The following ANO3 variants were observed in gnomAD, a reference collection of about 807,000 sequenced individuals.
ANO3 encodes anoctamin-3.
Under a neutral mutation model 144.8 loss-of-function variants are expected in ANO3, and 99 were observed. The ratio of observed to expected loss-of-function variants is 0.68; its 90% CI spans 0.58 to 0.81. The LOEUF (loss-of-function observed/expected upper bound fraction) is 0.81. Ranked by LOEUF, ANO3 falls within the 30% of genes least tolerant of loss-of-function variation. ANO3 has a pLI of 0.00. For synonymous variants in ANO3, 414 were observed against 392.6 expected (o/e 1.05, Z -0.64); for missense variants, 905 against 1,202.2 (o/e 0.75, Z 3.66).
chr11:26,643,407 G>GATTCATATGTTGAAACTTAATTGCC, intron 23 of ANO3, 73 bp downstream of exon 23: 2 of 1,553,298 alleles, frequency 1.3e-6, no homozygotes, highest in Non-Finnish European at 8.8e-7. Context: ...TGTGCCCCCA[G>GATTCATATGTTGAAACTTAATTGCC]ATTCATATGT....
chr11:26,388,944 A>T (rs1330415165), intron 1 of ANO3, among the ~76,000 whole-genome samples: 1 of 152,192 alleles, frequency 6.6e-6, no homozygotes, highest in Non-Finnish European at 1.5e-5. Context: ...ATTCAAATAG[A>T]GTCCCTAGAT....
At chr11:26,264,268 G>A (rs1427461703) in intron 1 of ANO3, among the ~76,000 whole-genome samples, 1 of 152,158 alleles carries the variant, frequency 6.6e-6, no homozygotes, top group Non-Finnish European at 1.5e-5. Context: ...TTAATTAAAT[G>A]AGTCAAATGA....
chr11:26,293,811 A>G (rs369557532), intron 1 of ANO3, among the ~76,000 whole-genome samples: 42 of 152,082 alleles, frequency 2.8e-4, no homozygotes, highest in African/African-American at 9.6e-4. Flanking sequence ...TGCTTTTCTC[A>G]TTAAATTAAT....
At chr11:26,294,662 C>T (rs1019347249) in intron 1 of ANO3, among the ~76,000 whole-genome samples, 1 of 152,172 alleles carries the variant, frequency 6.6e-6, no homozygotes, top group African/African-American at 2.4e-5. Context: ...ACTCCATCAC[C>T]TACACAGTGA....
intron 7 of ANO3, 77 bp downstream of exon 7, chr11:26,525,756 A>G: frequency 9.1e-7 from 1 of 1,095,238 alleles, no homozygotes; most frequent in Non-Finnish European, 1.3e-6. Context: ...GATTCCCCAT[A>G]TCAGCAGTTG....
intron 13 of ANO3, among the ~76,000 whole-genome samples, chr11:26,554,014 C>T (rs548757049): frequency 4.6e-5 from 7 of 152,198 alleles, no homozygotes; most frequent in Admixed American, 1.3e-4. Context: ...TATGCGTGCA[C>T]CTGTGAAACC....
chr11:26,609,780 G>C (rs1281330810), intron 17 of ANO3, among the ~76,000 whole-genome samples: 1 of 152,150 alleles, frequency 6.6e-6, no homozygotes, highest in Non-Finnish European at 1.5e-5. Context: ...GGATCATATA[G>C]TAATTCTATT....
intron 17 of ANO3, among the ~76,000 whole-genome samples, chr11:26,615,442 G>A (rs10835020): frequency 0.3 from 42,883 of 142,382 alleles, 6,597 homozygotes; most frequent in South Asian, 0.46. Flanking sequence ...CCTCAATGGT[G>A]TCTTCACAAA....
intron 1 of ANO3, among the ~76,000 whole-genome samples, chr11:26,293,575 A>ATATAT (rs1433627005): frequency 8.6e-6 from 1 of 116,156 alleles, no homozygotes; most frequent in African/African-American, 3.2e-5. Context: ...ATATATATAT[A>ATATAT]TTCCTGTTGT....
At chr11:26,426,357 T>C (rs1426646270) in intron 1 of ANO3, among the ~76,000 whole-genome samples, 1 of 152,182 alleles carries the variant, frequency 6.6e-6, no homozygotes, top group East Asian at 1.9e-4. Flanking sequence ...TCTTGTGCTA[T>C]TCACGTAAGT....
At chr11:26,479,017 T>C (rs959777066) in intron 4 of ANO3, among the ~76,000 whole-genome samples, 1 of 151,924 alleles carries the variant, frequency 6.6e-6, no homozygotes, top group Non-Finnish European at 1.5e-5. Context: ...TTTTCAAGAG[T>C]AAGAAAGAAT....
At chr11:26,423,979 GTTTT>G (rs371492248) in intron 1 of ANO3, among the ~76,000 whole-genome samples, 1 of 148,044 alleles carries the variant, frequency 6.8e-6, no homozygotes, top group Non-Finnish European at 1.5e-5. Context: ...GTTTAAAAAT[GTTTT>G]TTTTTTAATT....
At chr11:26,620,721 C>T (rs1852390150) in intron 17 of ANO3, among the ~76,000 whole-genome samples, 1 of 152,076 alleles carries the variant, frequency 6.6e-6, no homozygotes. Flanking sequence ...GAGCATACAT[C>T]CCTATACTTC....
At chr11:26,413,123 G>T (rs1857477304) in intron 1 of ANO3, among the ~76,000 whole-genome samples, 2 of 151,894 alleles carry the variant, frequency 1.3e-5, no homozygotes, top group Admixed American at 1.3e-4. Context: ...TCCCACAGCA[G>T]CCATGTACTA....
In ANO3 at chr11:26,201,408, T is replaced by C. The variant is rs1851689728; in HGVS notation, c.154+12078T>C. Among the ~76,000 whole-genome samples, 2 of 152,132 alleles carry C rather than the reference T, an allele frequency of 1.3e-5. 1 individual carries two copies. The highest frequency in any genetic ancestry group is 4.8e-5 in the African/African-American group (2 of 41,450). On this transcript the variant is annotated intron_variant, in intron 1 of 27. Coordinates refer to the ANO3 transcript ENST00000672621. The stretch of plus-strand genomic sequence containing the variant: ...TACCTATTGACTTTGTATTTCCTTC[T>C]TCTAAACCAGTTTCTTCAGGTAGAT...
chr11:26,237,429 T>C (rs1852557798), intron 1 of ANO3, among the ~76,000 whole-genome samples: 1 of 152,002 alleles, frequency 6.6e-6, no homozygotes, highest in Non-Finnish European at 1.5e-5. Context: ...ATTATTTTAA[T>C]TGCACTTACT....
At chr11:26,537,059 G>A (rs1443506995) in intron 9 of ANO3, among the ~76,000 whole-genome samples, 4 of 137,546 alleles carry the variant, frequency 2.9e-5, no homozygotes, top group Admixed American at 1.5e-4. Context: ...TATAGAATTT[G>A]TCTTCTTTCT....
At chr11:26,335,746 C>T (rs1855175652) in intron 1 of ANO3, among the ~76,000 whole-genome samples, 3 of 152,154 alleles carry the variant, frequency 2.0e-5, no homozygotes, top group Non-Finnish European at 1.5e-5. Flanking sequence ...GCAAAACCCT[C>T]CTCCTTAAAG....
intron 1 of ANO3, among the ~76,000 whole-genome samples, chr11:26,394,570 C>CTTTTTTTTT (rs56118844): frequency 1.7e-5 from 2 of 115,748 alleles, no homozygotes; most frequent in Admixed American, 9.8e-5. Context: ...ATTTCATTTT[C>CTTTTTTTTT]TTTTTTTTTT....
Sources: gnomAD v4.1 joint callset for allele counts (sites outside exome capture counted in the v4.1 genomes callset) on GRCh38, gnomAD v4.1.1 for gene constraint, MANE v1.5 for transcripts, NCBI Gene and HGNC (gene_info 2026-07-23, HGNC 2026-07-21) for gene names.